DNM3: variants seen among roughly 807,000 people sequenced by gnomAD.
DNM3 encodes dynamin-3.
A neutral mutation model predicts 101.6 loss-of-function variants in DNM3; 47 were observed. That is an observed-to-expected ratio of 0.46 (90% CI 0.37 to 0.59). The LOEUF is 0.59. DNM3 is among the 20% of genes least tolerant of loss of function. DNM3 has a pLI of 0.00. For missense variants in DNM3, 849 were observed against 1,085.7 expected (o/e 0.78, Z 3.06); for synonymous variants, 385 against 387.9 (o/e 0.99, Z 0.09).
intron 2 of DNM3, among the ~76,000 whole-genome samples, chr1:171,924,910 C>G (rs1311017835): frequency 6.9e-6 from 1 of 144,126 alleles, no homozygotes; most frequent in Non-Finnish European, 1.5e-5. Flanking sequence ...TTTTTTTCCC[C>G]CTTTTTGAGA....
At chr1:172,130,558 A>G (rs1475521684) in intron 13 of DNM3, among the ~76,000 whole-genome samples, 12 of 152,218 alleles carry the variant, frequency 7.9e-5, no homozygotes, top group Admixed American at 5.9e-4. Context: ...TTTAAACTTC[A>G]TAGGTTTAAA....
chr1:171,864,486 A>T (rs1330808399), intron 1 of DNM3: 1 of 152,282 alleles, frequency 6.6e-6, no homozygotes, highest in Non-Finnish European at 1.5e-5. Context: ...AGAGCTCATG[A>T]TAAGGCTTGC....
chr1:172,054,263 C>A (rs2050411703), intron 10 of DNM3, among the ~76,000 whole-genome samples: 2 of 152,200 alleles, frequency 1.3e-5, no homozygotes, highest in Non-Finnish European at 2.9e-5. Flanking sequence ...CAAAGCTAGA[C>A]TCCTAACCTG....
Position 171,893,614 on chromosome 1 carries a change from G to A in DNM3, c.162-28134G>A, listed in dbSNP as rs192294279. 1.8e-3 allele frequency among the ~76,000 whole-genome samples: 268 copies of A among 151,816 alleles called. 1 individual carries two copies. Among genetic ancestry groups the A allele is most frequent in the Non-Finnish European group, 3.0e-3 (205 of 67,918 alleles). ...GACCACAGATGCACACCAACACACC[G>A]AACTAATTAAACAATTTTTTTGTAG... On this transcript the variant is annotated intron_variant, in intron 1 of 20. Transcript: ENST00000627582.
chr1:172,070,342 T>C (rs1490752201), intron 11 of DNM3, among the ~76,000 whole-genome samples: 1 of 152,190 alleles, frequency 6.6e-6, no homozygotes, highest in African/African-American at 2.4e-5. Flanking sequence ...CCTCCTGGGC[T>C]GAGAAAACTT....
chr1:171,845,808 G>A (rs1395481617), intron 1 of DNM3, among the ~76,000 whole-genome samples: 1 of 152,156 alleles, frequency 6.6e-6, no homozygotes, highest in East Asian at 1.9e-4. Context: ...AGTGAAAACT[G>A]TACTAGTTGC....
At chr1:172,062,312 G>T (rs1168429148) in intron 10 of DNM3, among the ~76,000 whole-genome samples, 1 of 152,096 alleles carries the variant, frequency 6.6e-6, no homozygotes, top group African/African-American at 2.4e-5. Context: ...CTTTTTGGAT[G>T]TTTTCTGAAT....
intron 2 of DNM3, among the ~76,000 whole-genome samples, chr1:171,955,617 T>C (rs2042803399): frequency 6.6e-6 from 1 of 152,176 alleles, no homozygotes; most frequent in Non-Finnish European, 1.5e-5. Context: ...ACCATGTCTA[T>C]TGTGGGAATA....
chr1:171,841,502 C>T lies in DNM3; in HGVS notation c.-155C>T. ...CGCTGCGGGTCGTTAGCTGTCAGAGCCAAGCGGCGGGCTGGCGGCGGGCTC... is the reference window on the plus strand; with the variant it reads ...CGCTGCGGGTCGTTAGCTGTCAGAGTCAAGCGGCGGGCTGGCGGCGGGCTC... On this transcript the variant is annotated 5_prime_UTR_variant, in exon 1 of 21. Coordinates refer to ENST00000627582, the MANE Select transcript of DNM3 (RefSeq NM_015569.5). The T allele has an allele frequency of 9.1e-7, 1 of 1,101,122 alleles. No individual in the cohort carries two copies. The highest frequency in any genetic ancestry group is 1.2e-6 in the Non-Finnish European group (1 of 815,204). 68.2% of individuals were successfully genotyped at this position (1,101,122 alleles called of 1,614,324 possible).
chr1:172,079,067 A>C (rs1398292848), intron 11 of DNM3, among the ~76,000 whole-genome samples: 1 of 151,994 alleles, frequency 6.6e-6, no homozygotes, highest in Non-Finnish European at 1.5e-5. Context: ...CCTTCATTTC[A>C]ACATTGGTGA....
At chr1:172,147,426 A>G (rs1406266591) in intron 14 of DNM3, among the ~76,000 whole-genome samples, 1 of 152,130 alleles carries the variant, frequency 6.6e-6, no homozygotes, top group Admixed American at 6.6e-5. Flanking sequence ...AAGTTATTTA[A>G]TTTGCTTATT....
At position 172,185,748 on chromosome 1, in the gene DNM3, ATAATC is replaced by A. The variant is rs146653184; in HGVS notation, c.1659+54464_1659+54468del. 3.1e-3 allele frequency among the ~76,000 whole-genome samples: 469 copies of A among 152,250 alleles called. 2 individuals carry two copies. The highest frequency in any genetic ancestry group is 0.011 in the African/African-American group (450 of 41,568). ...ATAGCTAGATAAGAACAACTGCTGA[ATAATC>A]TAAGTCAACTAAGTTTATTTCATAG... On this transcript the variant is annotated intron_variant, in intron 14 of 20. Coordinates refer to ENST00000627582, the MANE Select transcript of DNM3 (RefSeq NM_015569.5).
At chr1:172,400,934 C>T (rs1342842201) in intron 20 of DNM3, among the ~76,000 whole-genome samples, 1 of 152,166 alleles carries the variant, frequency 6.6e-6, no homozygotes, top group African/African-American at 2.4e-5. Context: ...CCTTCCAACT[C>T]TAAGCTAGGA....
intron 2 of DNM3, among the ~76,000 whole-genome samples, chr1:171,926,916 A>G (rs1038967388): frequency 6.6e-6 from 1 of 152,216 alleles, no homozygotes; most frequent in Non-Finnish European, 1.5e-5. Context: ...TAAAGGGCTT[A>G]TATGAAAACC....
chr1:171,989,005 C>T lies in DNM3; in HGVS notation c.446C>T (p.Pro149Leu), dbSNP rs2045462840. 1.2e-6 allele frequency: 2 copies of T among 1,608,154 alleles called. No homozygotes were observed. Among genetic ancestry groups the T allele is most frequent in the Non-Finnish European group, 1.7e-6 (2 of 1,177,096 alleles). Residue 149 changes from proline to leucine, a missense_variant, in exon 4 of 21, where the codon CCA becomes CTA. By Grantham distance (98) the Pro-to-Leu change is moderately conservative. Transcript: ENST00000627582. ...GITKVPVGDQ[P>L]PDIEYQIREM... ...ACTAAAGTGCCTGTGGGAGATCAGCCACCAGATATCGAGTATCAGATCAGA... is the reference window on the plus strand; with the variant it reads ...ACTAAAGTGCCTGTGGGAGATCAGCTACCAGATATCGAGTATCAGATCAGA...
chr1:171,978,031 C>T (rs761520159), intron 2 of DNM3, among the ~76,000 whole-genome samples: 28 of 152,184 alleles, frequency 1.8e-4, no homozygotes, highest in Non-Finnish European at 2.8e-4. Flanking sequence ...CCTCAAGCCT[C>T]CTCCAAGGTT....
In DNM3 at chr1:172,032,506, G is replaced by A. The variant is rs1401867639; in HGVS notation, c.688+6G>A. The A allele has an allele frequency of 2.1e-6, 2 of 963,404 alleles. No individual in the cohort carries two copies. Among genetic ancestry groups the A allele is most frequent in the Non-Finnish European group, 1.6e-6 (1 of 619,846 alleles). The allele number at this position is 963,404 out of a possible 1,614,324, so 59.7% of individuals were successfully genotyped here. A position where few individuals can be genotyped will look rare whatever the true frequency, so the allele number is the denominator to read the frequency against. On this transcript the variant is annotated splice_donor_region_variant and intron_variant, in intron 5 of 20. Transcript: ENST00000627582. ...ACTGTTGCCTCTTCGCAGGGGTAAT[G>A]TACTGTGGTCTATACAAGACTTTTT...
At chr1:172,252,393 A>G (rs1017775190) in intron 14 of DNM3, among the ~76,000 whole-genome samples, 3 of 152,210 alleles carry the variant, frequency 2.0e-5, no homozygotes, top group Non-Finnish European at 4.4e-5. Flanking sequence ...GAAGAGCTCT[A>G]TGCTATGCAG....
rs534031495 is a variant in DNM3, at chr1:172,267,798, C to T, written c.1769+14116C>T. 6.6e-5 allele frequency among the ~76,000 whole-genome samples: 10 copies of T among 152,120 alleles called. No individual in the cohort carries two copies. The East Asian group carries it at 1.2e-3, about 18-fold the overall frequency. On this transcript the variant is annotated intron_variant, in intron 15 of 20. Transcript: ENST00000627582. ...CAAGATCTCTGCTCACTGCAAGCTC[C>T]GCCTCCCGGGTTCACACCATTCTCC...
Sources: gnomAD v4.1 joint callset for allele counts (sites outside exome capture counted in the v4.1 genomes callset) on GRCh38, gnomAD v4.1.1 for gene constraint, MANE v1.5 for transcripts, NCBI Gene and HGNC (gene_info 2026-07-23, HGNC 2026-07-21) for gene names.